Variants in RAB2A observed in about 807,000 individuals in gnomAD.
The protein encoded by RAB2A is ras-related protein Rab-2A.
A neutral mutation model predicts 32.5 loss-of-function variants in RAB2A; 7 were observed. That is an observed-to-expected ratio of 0.22 (90% CI 0.12 to 0.40). The LOEUF (loss-of-function observed/expected upper bound fraction) is 0.40. Ranked by LOEUF, RAB2A falls within the 10% of genes least tolerant of loss-of-function variation. The pLI is 1.00. For missense variants in RAB2A, 108 were observed against 260.7 expected, an observed-to-expected ratio of 0.41 and a Z score of 4.03; for synonymous variants, 79 against 85.2, an observed-to-expected ratio of 0.93 and a Z score of 0.40.
At chr8:60,617,646 T>C (rs1047792135) in intron 6 of RAB2A, among the ~76,000 whole-genome samples, 5 of 152,166 alleles carry the variant, frequency 3.3e-5, no homozygotes, top group Admixed American at 2.6e-4. Context: ...CTCAGGAGGC[T>C]GAAGTGAGAG....
intron 3 of RAB2A, chr8:60,576,227 C>T: frequency 2.2e-6 from 1 of 456,278 alleles, no homozygotes; most frequent in Non-Finnish European, 4.4e-6. Context: ...ATATTCTTTT[C>T]TGCCAGGGGA....
chr8:60,595,183 G>A (rs532772458), intron 6 of RAB2A, among the ~76,000 whole-genome samples: 1 of 152,226 alleles, frequency 6.6e-6, no homozygotes, highest in East Asian at 1.9e-4. Flanking sequence ...AAAAACATAA[G>A]AAACAAAAAT....
rs535317788 is a variant in RAB2A at position 60,528,576 on chromosome 8, A to C, written c.46+11323A>C. 3.9e-5 allele frequency among the ~76,000 whole-genome samples: 6 copies of C among 152,184 alleles called. No individual in the cohort carries two copies. In the East Asian group the frequency reaches 1.2e-3, roughly 29 times the overall value. ...AAGAATAACAAGCATGTTATCCTTG[A>C]TTCTAATTGTTTTTTTTCCTACCCT... On this transcript the variant is annotated intron_variant, in intron 1 of 7. Transcript: ENST00000262646.
intron 1 of RAB2A, among the ~76,000 whole-genome samples, chr8:60,525,200 A>G (rs6471888): frequency 0.53 from 81,093 of 151,972 alleles, 24,514 homozygotes; most frequent in African/African-American, 0.83. Context: ...GATCCCATGG[A>G]AGGTGATTGG....
intron 1 of RAB2A, among the ~76,000 whole-genome samples, chr8:60,534,626 A>G (rs568353227): frequency 4.8e-4 from 73 of 152,318 alleles, no homozygotes; most frequent in Non-Finnish European, 8.5e-4. Flanking sequence ...TTGGGCTGCT[A>G]ACACTTATTT....
At chr8:60,617,963 G>A (rs748322935) in intron 6 of RAB2A, among the ~76,000 whole-genome samples, 14 of 152,154 alleles carry the variant, frequency 9.2e-5, no homozygotes, top group Non-Finnish European at 1.5e-4. Context: ...CGTACAAATG[G>A]AGTTGTAGTA....
At chr8:60,578,467 G>T (rs1196609188) in intron 3 of RAB2A, among the ~76,000 whole-genome samples, 1 of 152,140 alleles carries the variant, frequency 6.6e-6, no homozygotes, top group African/African-American at 2.4e-5. Context: ...GGAGAGAGAA[G>T]AAAATAGTGT....
At chr8:60,535,384 G>A (rs1807542221) in intron 1 of RAB2A, among the ~76,000 whole-genome samples, 1 of 152,166 alleles carries the variant, frequency 6.6e-6, no homozygotes, top group Non-Finnish European at 1.5e-5. Flanking sequence ...GAAATTTTCT[G>A]TACCTCTATA....
At chr8:60,608,287 G>C (rs531676991) in intron 6 of RAB2A, among the ~76,000 whole-genome samples, 1 of 152,140 alleles carries the variant, frequency 6.6e-6, no homozygotes, top group Admixed American at 6.5e-5. Flanking sequence ...TGACTGTATA[G>C]GCGCCCAAAA....
At position 60,517,027 on chromosome 8, in the gene RAB2A, T is replaced by C; in HGVS notation, c.-181T>C. ...TCGGTCGGGCGCTGTCTCCCTCGGCTCTGCGGGTGTCAGTTCGTCCGGCTT... is the reference window on the plus strand; with the variant it reads ...TCGGTCGGGCGCTGTCTCCCTCGGCCCTGCGGGTGTCAGTTCGTCCGGCTT... On this transcript the variant is annotated 5_prime_UTR_variant, in exon 1 of 8. Coordinates refer to ENST00000262646, the MANE Select transcript of RAB2A (RefSeq NM_002865.3). 4 of 526,314 alleles carry C rather than the reference T, an allele frequency of 7.6e-6. No homozygotes were observed. Among genetic ancestry groups the C allele is most frequent in the Non-Finnish European group, 9.8e-6 (3 of 306,118 alleles). The allele number at this position is 526,314 out of a possible 1,614,324, so 32.6% of individuals were successfully genotyped here.
chr8:60,604,202 A>G (rs1171552649), intron 6 of RAB2A, among the ~76,000 whole-genome samples: 1 of 152,164 alleles, frequency 6.6e-6, no homozygotes, highest in African/African-American at 2.4e-5. Flanking sequence ...GCCTTGTGCC[A>G]TGATTGTAAG....
intron 3 of RAB2A, among the ~76,000 whole-genome samples, chr8:60,580,796 C>G (rs1332425373): frequency 6.6e-6 from 1 of 152,068 alleles, no homozygotes; most frequent in African/African-American, 2.4e-5. Context: ...TTTATTTTGT[C>G]TTTTACTCTT....
At chr8:60,521,041 C>T (rs1440951853) in intron 1 of RAB2A, among the ~76,000 whole-genome samples, 1 of 152,200 alleles carries the variant, frequency 6.6e-6, no homozygotes, top group African/African-American at 2.4e-5. Context: ...GTCTCAAACT[C>T]CTGGGCTTAA....
At chr8:60,604,608 C>G (rs1010331168) in intron 6 of RAB2A, among the ~76,000 whole-genome samples, 2 of 152,152 alleles carry the variant, frequency 1.3e-5, no homozygotes, top group African/African-American at 4.8e-5. Flanking sequence ...GAGCAAAGGT[C>G]ACTTTTGTTA....
intron 2 of RAB2A, 79 bp downstream of exon 2, chr8:60,559,002 T>A: frequency 1.0e-6 from 1 of 980,800 alleles, no homozygotes; most frequent in Non-Finnish European, 1.6e-6. Context: ...TCCATTCTAC[T>A]AGTGATGATG....
intron 2 of RAB2A, chr8:60,559,162 T>C (rs1254906970): frequency 5.2e-6 from 2 of 387,170 alleles, no homozygotes; most frequent in Non-Finnish European, 9.4e-6. Flanking sequence ...AGATTTCAAT[T>C]GTAATTAGCG....
intron 1 of RAB2A, among the ~76,000 whole-genome samples, chr8:60,541,521 T>C (rs1212535263): frequency 6.6e-6 from 1 of 152,146 alleles, no homozygotes; most frequent in Non-Finnish European, 1.5e-5. Flanking sequence ...AAACCCCATC[T>C]CTACTAAAAA....
intron 6 of RAB2A, among the ~76,000 whole-genome samples, chr8:60,602,361 T>C (rs1295374414): frequency 2.6e-5 from 4 of 152,246 alleles, no homozygotes; most frequent in African/African-American, 9.6e-5. Context: ...TTAAAAAATA[T>C]AACACAATAC....
chr8:60,558,362 AT>A, intron 1 of RAB2A: 1 of 468,970 alleles, frequency 2.1e-6, no homozygotes, highest in East Asian at 6.2e-5. Context: ...TGCAATTCAG[AT>A]TCCATTTGCT....
Sources: gnomAD v4.1 joint callset for allele counts (sites outside exome capture counted in the v4.1 genomes callset) on GRCh38, gnomAD v4.1.1 for gene constraint, MANE v1.5 for transcripts, NCBI Gene and HGNC (gene_info 2026-07-23, HGNC 2026-07-21) for gene names.